Variants in PPFIBP2 observed in about 807,000 individuals in gnomAD.
PPFIBP2 encodes the protein PPFIB scaffold protein 2.
Under a neutral mutation model 118.3 loss-of-function variants are expected in PPFIBP2, and 118 were observed. The ratio of observed to expected loss-of-function variants is 1.00; its 90% CI spans 0.86 to 1.16. PPFIBP2 has a LOEUF of 1.16. Among genes scored for constraint, PPFIBP2 ranks in the 50% most tolerant of loss-of-function variants. The pLI is 0.00. For missense variants in PPFIBP2, 1,195 were observed against 1,073.1 expected (o/e 1.11, Z -1.59); for synonymous variants, 414 against 397.4 (o/e 1.04, Z -0.50).
intron 1 of PPFIBP2, among the ~76,000 whole-genome samples, chr11:7,520,259 A>T (rs965173690): frequency 6.6e-6 from 1 of 152,172 alleles, no homozygotes; most frequent in African/African-American, 2.4e-5. Flanking sequence ...AGTTTGAGGT[A>T]GCTGCTACGT....
At chr11:7,565,359 C>T (rs1360727677) in intron 2 of PPFIBP2, among the ~76,000 whole-genome samples, 194 bp from the exon 3 acceptor site, 1 of 152,206 alleles carries the variant, frequency 6.6e-6, no homozygotes, top group African/African-American at 2.4e-5. Flanking sequence ...CAGCCTGGAA[C>T]TCCTAGACTC....
downstream of PPFIBP2, among the ~76,000 whole-genome samples, chr11:7,659,551 C>A (rs1197058106): frequency 2.0e-5 from 3 of 148,556 alleles, no homozygotes; most frequent in African/African-American, 4.9e-5. Flanking sequence ...GTTACTGTAG[C>A]CTTGTAGTAT....
intron 6 of PPFIBP2, chr11:7,617,284 A>G: frequency 1.0e-6 from 1 of 985,382 alleles, no homozygotes; most frequent in Non-Finnish European, 1.2e-6. Flanking sequence ...GCCTGTTGGG[A>G]GGGGTCACCT....
At chr11:7,528,448 G>A (rs1850407187) in intron 1 of PPFIBP2, among the ~76,000 whole-genome samples, 1 of 152,090 alleles carries the variant, frequency 6.6e-6, no homozygotes, top group African/African-American at 2.4e-5. Flanking sequence ...ATTAGAATGG[G>A]GCAAGATAAG....
At chr11:7,593,034 T>A in intron 3 of PPFIBP2, 98 bp from the exon 4 acceptor site, 1 of 1,501,210 alleles carries the variant, frequency 6.7e-7, no homozygotes, top group Non-Finnish European at 8.9e-7. Context: ...TCAGTGAAAC[T>A]ATCCTCACAA....
chr11:7,577,961 C>T (rs996526960), intron 3 of PPFIBP2, among the ~76,000 whole-genome samples: 8 of 152,148 alleles, frequency 5.3e-5, no homozygotes, highest in African/African-American at 1.2e-4. Flanking sequence ...ATGTGCCCAC[C>T]GCTTTTCAGT....
At position 7,631,112 on chromosome 11, in the gene PPFIBP2, G is replaced by A. The variant is rs1039387400; in HGVS notation, c.1068+84G>A. The A allele has an allele frequency of 5.9e-5, 58 of 990,310 alleles. No individual in the cohort carries two copies. In the East Asian group the frequency reaches 1.2e-3, roughly 21 times the overall value. The allele number at this position is 990,310 out of a possible 1,614,324, so 61.3% of individuals were successfully genotyped here. Reference sequence around the variant, plus strand: ...CTTGAGGGAGGATCTAGTCAGACACGTGTCAGGTGCACATCTTGGCAGGTG... The same window carrying A: ...CTTGAGGGAGGATCTAGTCAGACACATGTCAGGTGCACATCTTGGCAGGTG... On this transcript the variant is annotated intron_variant, in intron 11 of 23. Coordinates refer to ENST00000299492, the MANE Select transcript of PPFIBP2 (RefSeq NM_003621.5).
downstream of PPFIBP2, among the ~76,000 whole-genome samples, chr11:7,656,554 T>TA (rs1009253235): frequency 3.3e-5 from 5 of 152,236 alleles, no homozygotes; most frequent in African/African-American, 1.2e-4. Flanking sequence ...TTTATCTTAA[T>TA]AGTGTTGTTT....
At chr11:7,587,240 C>T (rs1858378732) in intron 3 of PPFIBP2, among the ~76,000 whole-genome samples, 2 of 152,232 alleles carry the variant, frequency 1.3e-5, no homozygotes, top group Admixed American at 6.5e-5. Context: ...CACAGACACT[C>T]CCTGTGCCAC....
At chr11:7,587,715 A>T (rs1858458342) in intron 3 of PPFIBP2, among the ~76,000 whole-genome samples, 1 of 152,242 alleles carries the variant, frequency 6.6e-6, no homozygotes, top group Non-Finnish European at 1.5e-5. Context: ...CAACCTCAGA[A>T]CTGTGGCACC....
chr11:7,655,315 C>T, downstream of PPFIBP2: 2 of 684,310 alleles, frequency 2.9e-6, no homozygotes, highest in Non-Finnish European at 4.5e-6. Context: ...CTTGCCTGTC[C>T]CTCCAGAGAA....
At chr11:7,663,916 T>TA in the PPFIBP2 span, among the ~76,000 whole-genome samples, 1 of 152,134 alleles carries the variant, frequency 6.6e-6, no homozygotes, top group Non-Finnish European at 1.5e-5. Flanking sequence ...ATTTTCCAGG[T>TA]GCGTCCGTCA....
intron 1 of PPFIBP2, among the ~76,000 whole-genome samples, chr11:7,535,954 C>A (rs757008510): frequency 6.6e-6 from 1 of 152,100 alleles, no homozygotes; most frequent in African/African-American, 2.4e-5. Flanking sequence ...GAGCGCTTCT[C>A]CCAAATGCCA....
At chr11:7,593,310 T>C in intron 4 of PPFIBP2, 86 bp downstream of exon 4, 1 of 1,505,934 alleles carries the variant, frequency 6.6e-7, no homozygotes, top group Non-Finnish European at 8.9e-7. Flanking sequence ...CCAAGAGATT[T>C]TCTCTGTTGG....
At chr11:7,537,542 C>A (rs187520995) in intron 1 of PPFIBP2, among the ~76,000 whole-genome samples, 1 of 152,354 alleles carries the variant, frequency 6.6e-6, no homozygotes, top group Admixed American at 6.5e-5. Context: ...CCTGGCTCTT[C>A]ACATCTTAGC....
At chr11:7,593,871 A>G (rs780028155) in intron 4 of PPFIBP2, among the ~76,000 whole-genome samples, 6 of 152,260 alleles carry the variant, frequency 3.9e-5, no homozygotes, top group Non-Finnish European at 8.8e-5. Context: ...TTGAAGAAGC[A>G]GGCCCAGCAC....
rs1248622245 is a variant in PPFIBP2, at chr11:7,641,537, A to G, written c.1434A>G (p.Ser478=). Reference sequence around the variant, plus strand: ...TGGTCAATGACCTCTCATCCACATCATCGGGCACTGAATCAGGTCCTCAGT... The same window carrying G: ...TGGTCAATGACCTCTCATCCACATCGTCGGGCACTGAATCAGGTCCTCAGT... ...TAVVNDLSST[S]SGTESGPQSP... Residue 478 remains serine (S), a synonymous_variant, in exon 16 of 24, where the codon TCA becomes TCG. Transcript: ENST00000299492. The G allele has an allele frequency of 1.9e-6, 3 of 1,613,664 alleles. No individual in the cohort carries two copies. In the African/African-American group the frequency reaches 4.0e-5, roughly 22 times the overall value.
chr11:7,645,331 TC>T (rs1852895036), intron 17 of PPFIBP2, among the ~76,000 whole-genome samples: 1 of 149,558 alleles, frequency 6.7e-6, no homozygotes, highest in African/African-American at 2.6e-5. Flanking sequence ...TTCTTCTACT[TC>T]CCATTGTGCC....
chr11:7,558,687 C>A (rs927093644), intron 2 of PPFIBP2, among the ~76,000 whole-genome samples: 2 of 151,112 alleles, frequency 1.3e-5, no homozygotes, highest in Non-Finnish European at 2.9e-5. Context: ...ACCTGGGAGG[C>A]GGAGGTTGCA....
Sources: allele counts gnomAD v4.1 joint callset (sites outside exome capture counted in the v4.1 genomes callset), GRCh38; gene constraint gnomAD v4.1.1; transcripts MANE v1.5; gene names NCBI Gene and HGNC (gene_info 2026-07-23, HGNC 2026-07-21).